ZNF28: variants seen among roughly 807,000 people sequenced by gnomAD.
The protein encoded by ZNF28 is zinc finger protein KOX24.
In ZNF28, 5 loss-of-function variants were observed where a neutral mutation model predicts 7.2. The ratio of observed to expected loss-of-function variants is 0.70; its 90% CI spans 0.36 to 1.46. ZNF28 has a LOEUF of 1.46. Ranked by LOEUF, ZNF28 falls within the 40% of genes most tolerant of loss-of-function variation. The probability of loss-of-function intolerance (pLI) is 0.03; values close to 1 mark genes in which losing one functional copy is unlikely to be tolerated. For synonymous variants in ZNF28, 288 were observed against 292.4 expected (o/e 0.99, Z 0.15); for missense variants, 879 against 866.6 (o/e 1.01, Z -0.18).
intron 2 of ZNF28, among the ~76,000 whole-genome samples, chr19:52,812,130 C>T (rs1452517893): frequency 1.5e-4 from 18 of 118,780 alleles, no homozygotes; most frequent in Non-Finnish European, 2.8e-4. Context: ...CCGCCCCGTC[C>T]GGGAGGGTGG....
intron 2 of ZNF28, among the ~76,000 whole-genome samples, chr19:52,815,169 T>C (rs1274299307): frequency 6.9e-6 from 1 of 144,638 alleles, no homozygotes; most frequent in Admixed American, 7.1e-5. Flanking sequence ...AGAGGAATCT[T>C]GCCTTGGTGG....
chr19:52,798,797 T>A lies in ZNF28; in HGVS notation c.*891A>T. 1.3e-6 allele frequency: 1 copy of A among 779,888 alleles called. No individual in the cohort carries two copies. The highest frequency in any genetic ancestry group is 1.3e-5 in the South Asian group (1 of 74,254). The allele number at this position is 779,888 out of a possible 1,614,324, so 48.3% of individuals were successfully genotyped here. On this transcript the variant is annotated 3_prime_UTR_variant, in exon 4 of 4. Coordinates refer to ENST00000457749, the MANE Select transcript of ZNF28 (RefSeq NM_006969.5). ...AGATCTCTCATTATGGATTCTCCAA[T>A]GATTTGCAATGGTTGTAGCATTACT...
intron 2 of ZNF28, chr19:52,810,858 T>TCCCCCCC (rs538037515): frequency 2.2e-5 from 1 of 45,064 alleles, no homozygotes. Flanking sequence ...CCTCTCCCTC[T>TCCCCCCC]CCCCCTCCCC....
At chr19:52,818,112 CTT>C (rs1347613021) in intron 1 of ZNF28, 81 bp from the exon 2 acceptor site, 1 of 1,359,420 alleles carries the variant, frequency 7.4e-7, no homozygotes, top group East Asian at 2.4e-5. Flanking sequence ...ACAAAGGAGA[CTT>C]CACCTTGAGG....
intron 3 of ZNF28, among the ~76,000 whole-genome samples, chr19:52,804,217 C>T (rs2062908383): frequency 6.6e-6 from 1 of 152,198 alleles, no homozygotes; most frequent in East Asian, 1.9e-4. Context: ...TTGGCTGGCA[C>T]CTTGCTCTTG....
intron 2 of ZNF28, chr19:52,809,784 G>A: frequency 2.0e-6 from 1 of 503,958 alleles, no homozygotes; most frequent in Non-Finnish European, 3.5e-6. Flanking sequence ...CAGCCTGGGT[G>A]ACAGAGCGAA....
Position 52,801,639 on chromosome 19 carries a change from A to G in ZNF28, c.206T>C (p.Phe69Ser). The G allele has an allele frequency of 1.2e-6, 2 of 1,613,876 alleles. No homozygotes were observed. The highest frequency in any genetic ancestry group is 1.3e-5 in the African/African-American group (1 of 75,042). The change falls in exon 4 of 4, where the codon TTC becomes TCC. Residue 69 changes from phenylalanine to serine, a missense_variant. Physicochemically the swap from Phe to Ser is radical, Grantham distance 155. This residue lies in a region of ZNF28 where 864 missense variants were observed against 830.2 expected (regional missense o/e 1.04). Transcript: ENST00000457749. The stretch of plus-strand genomic sequence containing the variant: ...TTGTCTTTGCAATGTCCCTGTGTGG[A>G]ACGCTTCTGTATTGCCTTGCCCTGT... ...FSTGQGNTEA[F>S]HTGTLQRQAS...
intron 1 of ZNF28, among the ~76,000 whole-genome samples, chr19:52,818,824 A>C (rs1176124575): frequency 6.8e-6 from 1 of 146,702 alleles, no homozygotes; most frequent in Non-Finnish European, 1.5e-5. Flanking sequence ...TACAGGTTGC[A>C]GTGAGCCAAG....
chr19:52,816,741 G>T (rs973117951), intron 2 of ZNF28, among the ~76,000 whole-genome samples: 1 of 151,786 alleles, frequency 6.6e-6, no homozygotes, highest in African/African-American at 2.4e-5. Flanking sequence ...TTGAGACAGA[G>T]AATCGCTTCA....
intron 1 of ZNF28, among the ~76,000 whole-genome samples, chr19:52,819,535 G>A (rs62120980): frequency 0.026 from 1,955 of 74,352 alleles, 727 homozygotes; most frequent in African/African-American, 0.091. Context: ...AGGGTCACTC[G>A]GGTTGAGCTT....
In ZNF28 at chr19:52,797,455, T is replaced by C. The variant is rs2062811615; in HGVS notation, c.*2233A>G. On this transcript the variant is annotated 3_prime_UTR_variant, in exon 4 of 4. Transcript: ENST00000457749. Reference sequence around the variant, plus strand: ...TTATTTGTTTGTAGATGACATGATCTGTGAAGAAAATCACAGTCAACCAAA... The same window carrying C: ...TTATTTGTTTGTAGATGACATGATCCGTGAAGAAAATCACAGTCAACCAAA... 6.6e-6 allele frequency: 1 copy of C among 152,252 alleles called. No individual in the cohort carries two copies. The highest frequency in any genetic ancestry group is 2.1e-4 in the South Asian group (1 of 4,834). 9.4% of individuals were successfully genotyped at this position (152,252 alleles called of 1,614,324 possible).
intron 2 of ZNF28, among the ~76,000 whole-genome samples, chr19:52,811,593 G>GGGA (rs1410126843): frequency 1.4e-3 from 205 of 147,186 alleles, no homozygotes; most frequent in African/African-American, 4.8e-3. Flanking sequence ...AACCCTGTCT[G>GGGA]GGAGGTGAGG....
At chr19:52,810,069 G>A in intron 2 of ZNF28, 1 of 750,776 alleles carries the variant, frequency 1.3e-6, no homozygotes, top group Non-Finnish European at 2.4e-6. Flanking sequence ...GGGAGCTCCA[G>A]GACCTGGGCC....
intron 3 of ZNF28, among the ~76,000 whole-genome samples, chr19:52,807,669 T>C (rs2062953412): frequency 1.3e-5 from 2 of 152,184 alleles, no homozygotes; most frequent in African/African-American, 4.8e-5. Flanking sequence ...CAGACAGGGT[T>C]TCTGCATGTT....
intron 2 of ZNF28, among the ~76,000 whole-genome samples, chr19:52,815,363 A>G (rs2063109363): frequency 6.9e-6 from 1 of 144,466 alleles, no homozygotes; most frequent in Admixed American, 7.0e-5. Context: ...TTAAAAATAC[A>G]AAAATTAGCC....
rs183766572 is a variant in ZNF28, at chr19:52,819,346, C to G, written c.-73-1315G>C. ...ATATTCTAATACAGACAAAGTCCTCCGAAGATGGTCTCTCTTTCTGAGTCT... is the reference window on the plus strand; with the variant it reads ...ATATTCTAATACAGACAAAGTCCTCGGAAGATGGTCTCTCTTTCTGAGTCT... On this transcript the variant is annotated intron_variant, in intron 1 of 3. Transcript: ENST00000457749. Among the ~76,000 whole-genome samples, 71 of 145,604 alleles carry G rather than the reference C, an allele frequency of 4.9e-4. 4 individuals are homozygous for G. Among genetic ancestry groups the G allele is most frequent in the Middle Eastern group, 7.1e-3 (2 of 282 alleles).
At chr19:52,817,005 C>T (rs192653507) in intron 2 of ZNF28, among the ~76,000 whole-genome samples, 5 of 152,120 alleles carry the variant, frequency 3.3e-5, no homozygotes, top group East Asian at 1.9e-4. Context: ...CCATAGTCTC[C>T]GTGAGCTCGA....
chr19:52,802,001 T>A (rs1465496790), intron 3 of ZNF28, among the ~76,000 whole-genome samples: 2 of 152,068 alleles, frequency 1.3e-5, no homozygotes, highest in African/African-American at 4.8e-5. Flanking sequence ...GTATCACACT[T>A]TGCAAAAAAC....
At chr19:52,813,089 A>G (rs1289908730) in intron 2 of ZNF28, among the ~76,000 whole-genome samples, 1 of 152,018 alleles carries the variant, frequency 6.6e-6, no homozygotes, top group Non-Finnish European at 1.5e-5. Context: ...CAGTTGTGGT[A>G]ATCTTGGTTA....
Sources: gnomAD v4.1 joint callset for allele counts (sites outside exome capture counted in the v4.1 genomes callset) on GRCh38, gnomAD v4.1.1 for gene constraint, gnomAD v4.1.1 regional missense constraint, MANE v1.5 for transcripts, NCBI Gene and HGNC (gene_info 2026-07-23, HGNC 2026-07-21) for gene names.